GXYLT2: variants seen among roughly 807,000 people sequenced by gnomAD.
GXYLT2 encodes the protein glucoside xylosyltransferase 2.
GXYLT2 carries 53 observed loss-of-function variants against 45.8 expected under a neutral mutation model. That is an observed-to-expected ratio of 1.16 (90% CI 0.93 to 1.46). GXYLT2 has a LOEUF of 1.46. GXYLT2 is among the 40% of genes most tolerant of loss of function. GXYLT2 has a pLI of 0.00. For missense variants in GXYLT2, 551 were observed against 544.4 expected (o/e 1.01, Z -0.12); for synonymous variants, 219 against 214.2 (o/e 1.02, Z -0.19).
At chr3:72,945,451 C>G (rs961294763) in intron 3 of GXYLT2, among the ~76,000 whole-genome samples, 1 of 152,136 alleles carries the variant, frequency 6.6e-6, no homozygotes, top group Non-Finnish European at 1.5e-5. Context: ...ACAGAAGATC[C>G]CAGCCCTCAA....
chr3:72,950,774 A>G (rs1192065708), intron 3 of GXYLT2, among the ~76,000 whole-genome samples: 1 of 152,210 alleles, frequency 6.6e-6, no homozygotes, highest in East Asian at 1.9e-4. Context: ...ATTACAACAA[A>G]TTGAAAATGA....
intron 2 of GXYLT2, among the ~76,000 whole-genome samples, chr3:72,920,890 C>T (rs1709820851): frequency 6.6e-6 from 1 of 150,992 alleles, no homozygotes; most frequent in South Asian, 2.1e-4. Context: ...TCTCAGCTCA[C>T]TGCAACCTCC....
intron 2 of GXYLT2, among the ~76,000 whole-genome samples, chr3:72,920,659 T>G (rs1483251455): frequency 6.6e-6 from 1 of 152,078 alleles, no homozygotes; most frequent in African/African-American, 2.4e-5. Flanking sequence ...GAAAGTAATA[T>G]ATACTCATTG....
At chr3:72,938,356 A>T (rs1335662505) in intron 3 of GXYLT2, among the ~76,000 whole-genome samples, 1 of 152,228 alleles carries the variant, frequency 6.6e-6, no homozygotes, top group Admixed American at 6.5e-5. Flanking sequence ...TAACTTATAA[A>T]AGTGCTGAGC....
At position 72,888,317 on chromosome 3, in the gene GXYLT2, C is replaced by G; in HGVS notation, c.84C>G (p.Gly28=). The part of the protein sequence containing the change: ...LLLALLSLRA[G]RAEPPALPAR... ...TGGCGCTGCTGTCCCTGCGCGCTGG[C>G]CGCGCTGAGCCCCCAGCGCTGCCCG... The change falls in exon 1 of 7, where the codon GGC becomes GGG. Residue 28 remains glycine (G), a synonymous_variant. Transcript: ENST00000389617. 1 of 987,436 alleles carries G rather than the reference C, an allele frequency of 1.0e-6. No individual in the cohort carries two copies. The highest frequency in any genetic ancestry group is 1.2e-6 in the Non-Finnish European group (1 of 833,444). 61.2% of individuals were successfully genotyped at this position (987,436 alleles called of 1,614,324 possible). A position where few individuals can be genotyped will look rare whatever the true frequency, so the allele number is the denominator to read the frequency against.
At chr3:72,931,558 A>G (rs527569940) in intron 3 of GXYLT2, among the ~76,000 whole-genome samples, 9 of 152,224 alleles carry the variant, frequency 5.9e-5, no homozygotes, top group South Asian at 4.1e-4. Context: ...TAAATAGCCA[A>G]TTGCTTTAAG....
At chr3:72,966,006 G>C (rs1456145074) in intron 5 of GXYLT2, among the ~76,000 whole-genome samples, 1 of 152,030 alleles carries the variant, frequency 6.6e-6, no homozygotes, top group Non-Finnish European at 1.5e-5. Context: ...TTTTGAGATG[G>C]AGTCTTACTC....
At chr3:72,913,189 C>T (rs190118132) in intron 2 of GXYLT2, among the ~76,000 whole-genome samples, 5,940 of 151,210 alleles carry the variant, frequency 0.039, 225 homozygotes, top group African/African-American at 0.094. Flanking sequence ...AGGCGCCCGC[C>T]ACCACGCCCG....
intron 3 of GXYLT2, among the ~76,000 whole-genome samples, chr3:72,923,451 AAT>A (rs1480966100): frequency 7.7e-5 from 11 of 143,680 alleles, no homozygotes; most frequent in African/African-American, 3.3e-4. Flanking sequence ...TTAAAAATCA[AAT>A]AATAATAAAA....
chr3:72,936,147 C>T (rs544658956), intron 3 of GXYLT2, among the ~76,000 whole-genome samples: 135 of 152,044 alleles, frequency 8.9e-4, no homozygotes, highest in African/African-American at 3.1e-3. Flanking sequence ...AAAAATTAGC[C>T]AGGTGTGGTG....
chr3:72,917,293 G>C (rs1156239131), intron 2 of GXYLT2, among the ~76,000 whole-genome samples: 1 of 151,980 alleles, frequency 6.6e-6, no homozygotes. Context: ...TTGTGCGGTG[G>C]TACAATTGTA....
chr3:72,923,299 C>T (rs1709863015), intron 3 of GXYLT2, among the ~76,000 whole-genome samples: 1 of 152,048 alleles, frequency 6.6e-6, no homozygotes, highest in Non-Finnish European at 1.5e-5. Context: ...CCTGTAGTCC[C>T]AGCTACTTGG....
At chr3:72,956,847 G>A (rs914144869) in intron 4 of GXYLT2, among the ~76,000 whole-genome samples, 1 of 144,812 alleles carries the variant, frequency 6.9e-6, no homozygotes, top group Non-Finnish European at 1.5e-5. Flanking sequence ...CCAAGATTGT[G>A]CCACTGCATG....
chr3:72,901,118 G>A (rs964774640), intron 1 of GXYLT2, among the ~76,000 whole-genome samples: 19 of 152,092 alleles, frequency 1.2e-4, no homozygotes, highest in South Asian at 6.2e-4. Context: ...ATGAAACCCC[G>A]TCTCTATTAA....
At chr3:72,911,850 C>T (rs1040699509) in intron 2 of GXYLT2, among the ~76,000 whole-genome samples, 2 of 151,726 alleles carry the variant, frequency 1.3e-5, no homozygotes, top group South Asian at 4.2e-4. Context: ...TTACTGCATC[C>T]TTGAACGCCT....
At chr3:72,947,521 C>A (rs901786773) in intron 3 of GXYLT2, among the ~76,000 whole-genome samples, 1 of 152,060 alleles carries the variant, frequency 6.6e-6, no homozygotes, top group African/African-American at 2.4e-5. Context: ...CAGTGAAGAC[C>A]GGGCACAGTG....
chr3:72,900,222 C>T (rs545374509), intron 1 of GXYLT2, among the ~76,000 whole-genome samples: 2 of 152,254 alleles, frequency 1.3e-5, no homozygotes, highest in South Asian at 2.1e-4. Flanking sequence ...TTAAGTCGCA[C>T]GTTTGAGACT....
At chr3:72,908,667 T>G in intron 2 of GXYLT2, 108 bp downstream of exon 2, 5 of 923,706 alleles carry the variant, frequency 5.4e-6, no homozygotes, top group Non-Finnish European at 8.2e-6. Context: ...TTCAATTGTG[T>G]GACTTTGAAC....
At chr3:72,951,136 C>A (rs1190295269) in intron 3 of GXYLT2, among the ~76,000 whole-genome samples, 1 of 152,150 alleles carries the variant, frequency 6.6e-6, no homozygotes, top group Non-Finnish European at 1.5e-5. Flanking sequence ...CAAATTAATA[C>A]CAGCAGTAAT....
Sources: allele counts gnomAD v4.1 joint callset (sites outside exome capture counted in the v4.1 genomes callset), GRCh38; gene constraint gnomAD v4.1.1; transcripts MANE v1.5; gene names NCBI Gene and HGNC (gene_info 2026-07-23, HGNC 2026-07-21).